Variants in RALGPS2 observed in about 807,000 individuals in gnomAD.
The protein encoded by RALGPS2 is ras-specific guanine nucleotide-releasing factor RalGPS2.
In RALGPS2, 43 loss-of-function variants were observed where a neutral mutation model predicts 86.8. That is an observed-to-expected ratio of 0.50 (90% CI 0.39 to 0.64). The LOEUF is 0.64. Among genes scored for constraint, RALGPS2 ranks in the 30% least tolerant of loss-of-function variants. The pLI is 0.00. For missense variants in RALGPS2, 536 were observed against 694.6 expected, an observed-to-expected ratio of 0.77 and a Z score of 2.57; for synonymous variants, 243 against 231.3, an observed-to-expected ratio of 1.05 and a Z score of -0.46.
chr1:178,789,980 G>A (rs1245399346), intron 4 of RALGPS2, among the ~76,000 whole-genome samples: 1 of 152,114 alleles, frequency 6.6e-6, no homozygotes, highest in Non-Finnish European at 1.5e-5. Context: ...ACAGGGTCTG[G>A]CTCTGTTCCC....
chr1:178,787,285 T>C (rs114472307), intron 4 of RALGPS2, among the ~76,000 whole-genome samples: 5,533 of 152,264 alleles, frequency 0.036, 123 homozygotes, highest in Middle Eastern at 0.058. Context: ...TTATATGAGA[T>C]CAGTGCTGTC....
chr1:178,873,609 A>G lies in RALGPS2; in HGVS notation c.608-3889A>G, dbSNP rs141651420. On this transcript the variant is annotated intron_variant, in intron 8 of 19. Transcript: ENST00000367635. ...CAGTTTTGCTCCTAGGCATGTTTGT[A>G]TATCCTGAAGAAATTTTGTACATGT... 4.7e-3 allele frequency among the ~76,000 whole-genome samples: 723 copies of G among 152,292 alleles called. 7 individuals carry two copies. Among genetic ancestry groups the G allele is most frequent in the African/African-American group, 0.017 (699 of 41,552 alleles).
At chr1:178,848,618 TA>T (rs1419780398) in intron 8 of RALGPS2, among the ~76,000 whole-genome samples, 4 of 152,190 alleles carry the variant, frequency 2.6e-5, no homozygotes, top group African/African-American at 9.6e-5. Context: ...CAAGTGAAGA[TA>T]ATGGATCAAT....
At chr1:178,758,988 T>C (rs1216310706) in intron 1 of RALGPS2, among the ~76,000 whole-genome samples, 2 of 152,168 alleles carry the variant, frequency 1.3e-5, no homozygotes, top group Non-Finnish European at 2.9e-5. Context: ...CCTTCTCAGA[T>C]GGGTAGGCTG....
chr1:178,832,334 G>A (rs1338719176), intron 7 of RALGPS2, among the ~76,000 whole-genome samples: 4 of 152,124 alleles, frequency 2.6e-5, no homozygotes, highest in Non-Finnish European at 1.5e-5. Flanking sequence ...CTGCATCTTT[G>A]AGCCTCTGAA....
intron 8 of RALGPS2, among the ~76,000 whole-genome samples, chr1:178,836,282 C>A (rs185381576): frequency 6.6e-6 from 1 of 152,118 alleles, no homozygotes; most frequent in Non-Finnish European, 1.5e-5. Context: ...AAAGCAAATG[C>A]GGAAAATGTT....
intron 7 of RALGPS2, among the ~76,000 whole-genome samples, chr1:178,828,426 G>A (rs572659641): frequency 2.0e-5 from 3 of 152,224 alleles, no homozygotes; most frequent in Middle Eastern, 3.4e-3. Context: ...GTTATAACAC[G>A]GTGGTATTTG....
intron 4 of RALGPS2, among the ~76,000 whole-genome samples, chr1:178,799,567 T>G (rs960259733): frequency 2.0e-5 from 3 of 152,096 alleles, no homozygotes; most frequent in African/African-American, 7.2e-5. Flanking sequence ...TGCCCGTCTT[T>G]GGATGTAAAA....
At chr1:178,902,073 T>C in intron 17 of RALGPS2, 33 bp from the exon 18 acceptor site, 1 of 1,516,564 alleles carries the variant, frequency 6.6e-7, no homozygotes. Context: ...CCATAAATTT[T>C]CTGTTTCCGC....
intron 1 of RALGPS2, among the ~76,000 whole-genome samples, chr1:178,772,472 A>G (rs1480767920): frequency 6.6e-6 from 1 of 152,206 alleles, no homozygotes; most frequent in African/African-American, 2.4e-5. Context: ...GCTCTTGTCT[A>G]TTAGGATTAC....
rs1164927502 is a variant in RALGPS2 at position 178,755,168 on chromosome 1, A to AT, written c.-83-21506dup. On this transcript the variant is annotated intron_variant, in intron 1 of 19. Coordinates refer to ENST00000367635, the MANE Select transcript of RALGPS2 (RefSeq NM_152663.5). ...TTTATTTTTTTCCAATGCATGTGTG[A>AT]TTTTTTTTCTTTTATAATTTCAGTT... is the stretch of plus-strand genomic sequence containing the variant. Among the ~76,000 whole-genome samples the AT allele has an allele frequency of 3.3e-5, 5 of 151,384 alleles. No individual in the cohort carries two copies. In the East Asian group the frequency reaches 5.8e-4, roughly 18 times the overall value.
At chr1:178,860,203 T>A (rs1271063911) in intron 8 of RALGPS2, among the ~76,000 whole-genome samples, 1 of 152,178 alleles carries the variant, frequency 6.6e-6, no homozygotes, top group Non-Finnish European at 1.5e-5. Context: ...AATAAAAGAC[T>A]AACCCAAAAT....
chr1:178,893,895 G>A (rs199647445), intron 15 of RALGPS2, 24 bp from the exon 16 acceptor site: 1 of 1,454,594 alleles, frequency 6.9e-7, no homozygotes, highest in East Asian at 2.3e-5. Flanking sequence ...AAGCTCTTAT[G>A]TGTTCTTTTC....
intron 19 of RALGPS2, among the ~76,000 whole-genome samples, chr1:178,911,746 GT>G (rs1660635214): frequency 6.6e-6 from 1 of 152,190 alleles, no homozygotes; most frequent in African/African-American, 2.4e-5. Context: ...CAAATGTTGA[GT>G]TTAAGTCCAG....
intron 19 of RALGPS2, among the ~76,000 whole-genome samples, chr1:178,909,922 T>G (rs34163314): frequency 0.24 from 35,745 of 152,092 alleles, 4,928 homozygotes; most frequent in Non-Finnish European, 0.32. Flanking sequence ...GTGCTGGGAT[T>G]ACAGGCGTGA....
At chr1:178,726,500 G>A (rs1325268561) in intron 1 of RALGPS2, among the ~76,000 whole-genome samples, 6 of 151,550 alleles carry the variant, frequency 4.0e-5, no homozygotes, top group Non-Finnish European at 7.4e-5. Context: ...GGGCACTGAT[G>A]TTAGCTGTGG....
intron 9 of RALGPS2, among the ~76,000 whole-genome samples, chr1:178,877,906 C>T (rs1659067625): frequency 6.6e-6 from 1 of 152,100 alleles, no homozygotes; most frequent in Non-Finnish European, 1.5e-5. Flanking sequence ...TTTCTCACAG[C>T]ACAAAGGCAC....
chr1:178,865,119 G>A, intron 8 of RALGPS2: 1 of 1,582,032 alleles, frequency 6.3e-7, no homozygotes, highest in Non-Finnish European at 8.6e-7. Context: ...ATATGTTGTG[G>A]CACCACCTGG....
intron 8 of RALGPS2, among the ~76,000 whole-genome samples, chr1:178,871,855 A>G (rs945124851): frequency 1.3e-5 from 2 of 152,214 alleles, no homozygotes; most frequent in Non-Finnish European, 2.9e-5. Context: ...AACTTAGACA[A>G]ATCACTTTAC....
Sources: allele counts gnomAD v4.1 joint callset (sites outside exome capture counted in the v4.1 genomes callset), GRCh38; gene constraint gnomAD v4.1.1; transcripts MANE v1.5; gene names NCBI Gene and HGNC (gene_info 2026-07-23, HGNC 2026-07-21).